The following CFAP299 variants were observed in gnomAD, a reference collection of about 807,000 sequenced individuals.
The protein encoded by CFAP299 is cilia and flagella associated protein 299, also known as cilia- and flagella-associated protein 299.
Under a neutral mutation model 27.0 loss-of-function variants are expected in CFAP299, and 21 were observed. The ratio of observed to expected loss-of-function variants is 0.78; its 90% CI spans 0.55 to 1.12. CFAP299 has a LOEUF of 1.12. CFAP299 is among the 50% of genes most tolerant of loss of function. CFAP299 has a pLI of 0.00. For missense variants in CFAP299, 310 were observed against 276.6 expected (o/e 1.12, Z -0.86); for synonymous variants, 104 against 98.1 (o/e 1.06, Z -0.36).
At chr4:80,894,144 T>C (rs1424390367) in intron 4 of CFAP299, among the ~76,000 whole-genome samples, 1 of 151,848 alleles carries the variant, frequency 6.6e-6, no homozygotes, top group Non-Finnish European at 1.5e-5. Context: ...ATGAAAAATA[T>C]GAAAATCAAA....
intron 4 of CFAP299, among the ~76,000 whole-genome samples, chr4:80,911,904 G>T (rs1349184297): frequency 6.6e-6 from 1 of 151,148 alleles, no homozygotes; most frequent in Non-Finnish European, 1.5e-5. Context: ...AACACACTTA[G>T]AACTGAGTTT....
At chr4:80,798,095 T>C (rs373278371) in intron 3 of CFAP299, among the ~76,000 whole-genome samples, 3 of 152,210 alleles carry the variant, frequency 2.0e-5, no homozygotes, top group South Asian at 4.1e-4. Flanking sequence ...TTTTTGCTTA[T>C]ATAAATTAGA....
At chr4:80,912,539 G>A (rs529373542) in intron 4 of CFAP299, among the ~76,000 whole-genome samples, 88 of 152,272 alleles carry the variant, frequency 5.8e-4, no homozygotes, top group Non-Finnish European at 7.4e-4. Context: ...CTCATTGTGT[G>A]AGGACTGCAA....
intron 3 of CFAP299, among the ~76,000 whole-genome samples, chr4:80,622,275 G>T (rs1008603905): frequency 8.5e-5 from 13 of 152,138 alleles, no homozygotes; most frequent in Admixed American, 2.0e-4. Context: ...AAGGGCGATT[G>T]CACTGAACAT....
chr4:80,521,152 A>T (rs1047725227), intron 2 of CFAP299, among the ~76,000 whole-genome samples: 1 of 152,204 alleles, frequency 6.6e-6, no homozygotes, highest in South Asian at 2.1e-4. Flanking sequence ...AATTGGAATG[A>T]TGGAGATTAT....
chr4:80,518,724 TG>T (rs757916779), intron 2 of CFAP299, among the ~76,000 whole-genome samples: 6 of 152,158 alleles, frequency 3.9e-5, no homozygotes, highest in African/African-American at 7.2e-5. Flanking sequence ...GATCATGTCA[TG>T]TGCTGGCTTT....
At chr4:80,757,383 GA>G (rs1235868076) in intron 3 of CFAP299, among the ~76,000 whole-genome samples, 1 of 152,054 alleles carries the variant, frequency 6.6e-6, no homozygotes, top group Non-Finnish European at 1.5e-5. Context: ...TCATGATTAT[GA>G]GCAATTAAAT....
upstream of CFAP299, among the ~76,000 whole-genome samples, chr4:80,332,405 A>G (rs1721974762): frequency 1.3e-5 from 2 of 152,136 alleles, no homozygotes; most frequent in Admixed American, 1.3e-4. Context: ...GAGAGAAGAG[A>G]TAAATTAACA....
intron 2 of CFAP299, among the ~76,000 whole-genome samples, chr4:80,572,185 C>T (rs1187103237): frequency 3.3e-5 from 5 of 151,944 alleles, no homozygotes; most frequent in African/African-American, 9.7e-5. Context: ...ATGAACATTC[C>T]GATTAAACTA....
At chr4:80,365,806 T>G (rs151318328) in intron 2 of CFAP299, among the ~76,000 whole-genome samples, 226 of 152,300 alleles carry the variant, frequency 1.5e-3, no homozygotes, top group African/African-American at 5.0e-3. Flanking sequence ...TCAAGACGAG[T>G]TATTCATGTT....
At chr4:80,828,392 T>C (rs1730106083) in intron 3 of CFAP299, among the ~76,000 whole-genome samples, 1 of 152,060 alleles carries the variant, frequency 6.6e-6, no homozygotes, top group South Asian at 2.1e-4. Context: ...TTCGCCTATG[T>C]GGTCAAATGA....
intron 2 of CFAP299, among the ~76,000 whole-genome samples, chr4:80,392,702 A>G (rs1725553295): frequency 6.6e-6 from 1 of 151,966 alleles, no homozygotes; most frequent in South Asian, 2.1e-4. Flanking sequence ...TTTATAAATT[A>G]CCCAGTCTTG....
chr4:80,782,673 T>TATATTCATATATAGC (rs1726980359), intron 3 of CFAP299, among the ~76,000 whole-genome samples: 8 of 121,926 alleles, frequency 6.6e-5, no homozygotes, highest in African/African-American at 2.7e-4. Flanking sequence ...TCATATATAA[T>TATATTCATATATAGC]ATACATATAT....
At chr4:80,632,915 G>A (rs986581289) in intron 3 of CFAP299, among the ~76,000 whole-genome samples, 1 of 151,996 alleles carries the variant, frequency 6.6e-6, no homozygotes. Flanking sequence ...TTCTTAAAAA[G>A]CACAATCTTA....
chr4:80,561,879 G>A (rs1735051105), intron 2 of CFAP299, among the ~76,000 whole-genome samples: 1 of 152,246 alleles, frequency 6.6e-6, no homozygotes, highest in Admixed American at 6.5e-5. Flanking sequence ...ACTGTGTTGT[G>A]TAAACTGCTT....
At chr4:80,526,336 G>A (rs1422347565) in intron 2 of CFAP299, among the ~76,000 whole-genome samples, 2 of 152,116 alleles carry the variant, frequency 1.3e-5, no homozygotes, top group Non-Finnish European at 2.9e-5. Context: ...ACACTTCAAA[G>A]TGAAAATTAA....
At chr4:80,329,207 AC>A in the CFAP299 span, among the ~76,000 whole-genome samples, 103 of 48,516 alleles carry the variant, frequency 2.1e-3, no homozygotes, top group Non-Finnish European at 3.7e-3. Flanking sequence ...TACACTGTAT[AC>A]ATATATATAT....
At chr4:80,800,616 T>C (rs1197980779) in intron 3 of CFAP299, among the ~76,000 whole-genome samples, 10 of 101,518 alleles carry the variant, frequency 9.9e-5, no homozygotes, top group Admixed American at 3.4e-4. Context: ...ATATATAATA[T>C]ATAATATATT....
chr4:80,387,726 T>C, intron 2 of CFAP299: 1 of 1,582,998 alleles, frequency 6.3e-7, no homozygotes, highest in Non-Finnish European at 8.7e-7. Context: ...GCTTCTCACC[T>C]GTGTGGCTTC....
Sources: allele counts gnomAD v4.1 joint callset (sites outside exome capture counted in the v4.1 genomes callset), GRCh38; gene constraint gnomAD v4.1.1; transcripts MANE v1.5; gene names NCBI Gene and HGNC (gene_info 2026-07-23, HGNC 2026-07-21).